The following ITPR2 variants were observed in gnomAD, a reference collection of about 807,000 sequenced individuals.
ITPR2 encodes the protein inositol 1,4,5-trisphosphate receptor type 2, also known as inositol 1,4,5-trisphosphate-gated calcium channel ITPR2.
ITPR2 carries 207 observed loss-of-function variants against 317.1 expected under a neutral mutation model. The observed-to-expected ratio is 0.65, with a 90% confidence interval of 0.58 to 0.73. The LOEUF (loss-of-function observed/expected upper bound fraction) is 0.73, where lower values mean the gene tolerates loss of function less well. ITPR2 is among the 30% of genes least tolerant of loss of function. ITPR2 has a pLI of 0.00. For synonymous variants in ITPR2, 1,156 were observed against 1,149.1 expected, an observed-to-expected ratio of 1.01 and a Z score of -0.12; for missense variants, 2,613 against 3,284.0, an observed-to-expected ratio of 0.80 and a Z score of 4.99.
chr12:26,545,622 G>A (rs1016409810), intron 37 of ITPR2, among the ~76,000 whole-genome samples: 4 of 152,134 alleles, frequency 2.6e-5, no homozygotes, highest in Non-Finnish European at 5.9e-5. Context: ...AAAGTTTCTG[G>A]TCAGTAGGAA....
intron 54 of ITPR2, among the ~76,000 whole-genome samples, chr12:26,391,985 G>C (rs143778364): frequency 2.5e-3 from 388 of 152,224 alleles, no homozygotes; most frequent in African/African-American, 9.0e-3. Flanking sequence ...CCAGGCACCA[G>C]GGCAGTGGAG....
chr12:26,461,184 T>A, intron 45 of ITPR2, among the ~76,000 whole-genome samples: 1 of 152,206 alleles, frequency 6.6e-6, no homozygotes, highest in East Asian at 1.9e-4. Context: ...TGTGTGTATG[T>A]GTGTGTTAGT....
intron 46 of ITPR2, among the ~76,000 whole-genome samples, chr12:26,443,107 T>C (rs1941524240): frequency 6.6e-6 from 1 of 152,200 alleles, no homozygotes; most frequent in South Asian, 2.1e-4. Context: ...TTTCCAAGGC[T>C]ATGCTATCAA....
At chr12:26,497,044 A>T (rs1942949033) in intron 37 of ITPR2, among the ~76,000 whole-genome samples, 1 of 142,692 alleles carries the variant, frequency 7.0e-6, no homozygotes, top group South Asian at 2.2e-4. Context: ...TAATGATTTG[A>T]AATGTCAAAT....
chr12:26,572,408 G>A (rs73087282), intron 34 of ITPR2, among the ~76,000 whole-genome samples: 26,280 of 152,160 alleles, frequency 0.17, 2,540 homozygotes, highest in Non-Finnish European at 0.21. Context: ...AGTTTGGCAC[G>A]ATGTTTTTTA....
At chr12:26,398,375 A>G (rs1940072267) in intron 54 of ITPR2, among the ~76,000 whole-genome samples, 1 of 152,198 alleles carries the variant, frequency 6.6e-6, no homozygotes, top group African/African-American at 2.4e-5. Flanking sequence ...CTGAGCTGAG[A>G]TCGTGCCACT....
intron 37 of ITPR2, among the ~76,000 whole-genome samples, chr12:26,540,191 C>T (rs1944219413): frequency 6.6e-6 from 1 of 152,122 alleles, no homozygotes; most frequent in South Asian, 2.1e-4. Context: ...GAGTTTCTAA[C>T]TTATTTAAAA....
intron 37 of ITPR2, among the ~76,000 whole-genome samples, chr12:26,513,592 T>C (rs1279579757): frequency 3.3e-5 from 5 of 152,110 alleles, no homozygotes; most frequent in Non-Finnish European, 7.4e-5. Flanking sequence ...AAGCCAGCCA[T>C]GAAGCTGCCA....
rs1555155115 is a variant in ITPR2, at chr12:26,556,560, T to TGTGTGTG, written c.4822-186_4822-185insCACACAC. On this transcript the variant is annotated intron_variant, in intron 35 of 56. Coordinates refer to ENST00000381340, the MANE Select transcript of ITPR2 (RefSeq NM_002223.4). ...AAGAATATTGCCTGGGTCTCTATTTTTTTTTTTGTGTGTGTGTGTGTGTGT... is the reference window on the plus strand; with the variant it reads ...AAGAATATTGCCTGGGTCTCTATTTTGTGTGTGTTTTTTTGTGTGTGTGTGTGTGTGT... Among the ~76,000 whole-genome samples, 17 of 65,032 alleles carry TGTGTGTG rather than the reference T, an allele frequency of 2.6e-4. 1 individual carries two copies. The highest frequency in any genetic ancestry group is 4.5e-4 in the Non-Finnish European group (11 of 24,680). 42.7% of individuals were successfully genotyped at this position (65,032 alleles called of 152,430 possible).
chr12:26,744,071 C>T (rs980889067), intron 2 of ITPR2, among the ~76,000 whole-genome samples: 12 of 152,244 alleles, frequency 7.9e-5, no homozygotes, highest in South Asian at 4.1e-4. Context: ...TGCCCATGCC[C>T]GACTGTGGAT....
Position 26,335,679 on chromosome 12 carries a change from C to G in ITPR2, c.*3718G>C, listed in dbSNP as rs1937895195. 6.6e-6 allele frequency: 1 copy of G among 152,192 alleles called. No homozygotes were observed. The highest frequency in any genetic ancestry group is 6.5e-5 in the Admixed American group (1 of 15,272). 9.4% of individuals were successfully genotyped at this position (152,192 alleles called of 1,614,324 possible). ...TATCAGAAACAGCAGCAGTGAGTGA[C>G]TAGAGGGCCTCTACTGGCCTCAGGC... On this transcript the variant is annotated 3_prime_UTR_variant, in exon 57 of 57. Transcript: ENST00000381340.
At chr12:26,502,818 T>C (rs982594002) in intron 37 of ITPR2, among the ~76,000 whole-genome samples, 3 of 152,190 alleles carry the variant, frequency 2.0e-5, no homozygotes, top group Non-Finnish European at 4.4e-5. Flanking sequence ...GAGAAAGGTC[T>C]TCCTCCTAGA....
intron 9 of ITPR2, among the ~76,000 whole-genome samples, chr12:26,708,089 A>C (rs1292669341): frequency 6.6e-6 from 1 of 152,212 alleles, no homozygotes; most frequent in Non-Finnish European, 1.5e-5. Context: ...ATCCAAAAGA[A>C]AGGCAATAAC....
chr12:26,559,646 C>T (rs962485152), intron 35 of ITPR2, among the ~76,000 whole-genome samples: 3 of 152,160 alleles, frequency 2.0e-5, no homozygotes, highest in Non-Finnish European at 4.4e-5. Context: ...ACAGCCATAG[C>T]ACCATGTAAG....
At chr12:26,441,463 G>C (rs1038059246) in intron 46 of ITPR2, among the ~76,000 whole-genome samples, 4 of 152,156 alleles carry the variant, frequency 2.6e-5, no homozygotes, top group African/African-American at 9.7e-5. Flanking sequence ...CATATATGAA[G>C]CTAACAATAT....
rs908139122 is a variant in ITPR2 at position 26,339,333 on chromosome 12, G to T, written c.*64C>A. ...GCACTGTTCACTCCCCTCCATCTCA[G>T]TTCTTTATTCAGTGATCAGGCAGGA... On this transcript the variant is annotated 3_prime_UTR_variant, in exon 57 of 57. Transcript: ENST00000381340. 10 of 1,400,712 alleles carry T rather than the reference G, an allele frequency of 7.1e-6. No homozygotes were observed. Among genetic ancestry groups the T allele is most frequent in the African/African-American group, 1.4e-5 (1 of 70,674 alleles). 86.8% of individuals were successfully genotyped at this position (1,400,712 alleles called of 1,614,324 possible).
intron 1 of ITPR2, among the ~76,000 whole-genome samples, chr12:26,811,407 G>A (rs1161366408): frequency 6.6e-6 from 1 of 151,440 alleles, no homozygotes; most frequent in Middle Eastern, 3.3e-3. Context: ...TCAGGAGATC[G>A]AGACCATCCT....
chr12:26,440,651 T>C (rs985012896), intron 46 of ITPR2, among the ~76,000 whole-genome samples: 1 of 152,114 alleles, frequency 6.6e-6, no homozygotes, highest in African/African-American at 2.4e-5. Flanking sequence ...TAAAAATTCT[T>C]GCATATAGGT....
At chr12:26,442,770 T>C (rs1318614486) in intron 46 of ITPR2, among the ~76,000 whole-genome samples, 1 of 152,154 alleles carries the variant, frequency 6.6e-6, no homozygotes, top group Non-Finnish European at 1.5e-5. Context: ...AGGGGTTATA[T>C]ATCTTGAGAG....
Sources: gnomAD v4.1 joint callset for allele counts (sites outside exome capture counted in the v4.1 genomes callset) on GRCh38, gnomAD v4.1.1 for gene constraint, MANE v1.5 for transcripts, NCBI Gene and HGNC (gene_info 2026-07-23, HGNC 2026-07-21) for gene names.